Variants in EXOC4 observed in about 807,000 individuals in gnomAD.
EXOC4 encodes SEC8-like 1.
EXOC4 carries 71 observed loss-of-function variants against 107.2 expected under a neutral mutation model. That is an observed-to-expected ratio of 0.66 (90% confidence interval 0.55 to 0.81). EXOC4 has a LOEUF of 0.81. EXOC4 is among the 30% of genes least tolerant of loss of function. The probability of loss-of-function intolerance (pLI) is 0.00; values close to 1 mark genes in which losing one functional copy is unlikely to be tolerated. For missense variants in EXOC4, 1,108 were observed against 1,189.6 expected, an observed-to-expected ratio of 0.93 and a Z score of 1.01; for synonymous variants, 456 against 441.2, an observed-to-expected ratio of 1.03 and a Z score of -0.42.
In EXOC4 at chr7:133,759,576, A is replaced by C. The variant is rs1463447708; in HGVS notation, c.1515-57749A>C. On this transcript the variant is annotated intron_variant, in intron 10 of 17. Transcript: ENST00000253861. ...TACATAACTTTTTCATGGTTACATG[A>C]CTAGTAAATGGCAGAGCCAGGATTC... Among the ~76,000 whole-genome samples the C allele has an allele frequency of 2.0e-5, 3 of 152,142 alleles. 1 individual carries two copies. The highest frequency in any genetic ancestry group is 4.4e-5 in the Non-Finnish European group (3 of 68,026).
intron 10 of EXOC4, among the ~76,000 whole-genome samples, chr7:133,713,139 G>GA (rs1053719138): frequency 2.6e-5 from 4 of 151,556 alleles, no homozygotes; most frequent in African/African-American, 4.8e-5. Flanking sequence ...TATTCCTGAG[G>GA]AAAAAAAATA....
intron 14 of EXOC4, among the ~76,000 whole-genome samples, chr7:133,972,721 T>C (rs763591082): frequency 1.3e-5 from 2 of 152,208 alleles, no homozygotes; most frequent in Non-Finnish European, 2.9e-5. Context: ...GAGAATTTTT[T>C]GGTAATTTTG....
chr7:133,261,427 C>T (rs373379251), intron 1 of EXOC4, among the ~76,000 whole-genome samples: 13 of 152,028 alleles, frequency 8.6e-5, no homozygotes, highest in East Asian at 5.8e-4. Flanking sequence ...CCACTGCGCC[C>T]GGCTAATTTT....
intron 10 of EXOC4, among the ~76,000 whole-genome samples, chr7:133,690,820 A>G (rs1794403196): frequency 6.6e-6 from 1 of 152,196 alleles, no homozygotes; most frequent in African/African-American, 2.4e-5. Context: ...TCAAGGGGTC[A>G]TAAATTGTGG....
chr7:133,808,117 T>C (rs1797123230), intron 10 of EXOC4, among the ~76,000 whole-genome samples: 1 of 152,324 alleles, frequency 6.6e-6, no homozygotes, highest in Middle Eastern at 3.4e-3. Context: ...CTCCTACGGG[T>C]ATGGGCTGAG....
At chr7:133,675,106 T>G (rs770532881) in intron 10 of EXOC4, among the ~76,000 whole-genome samples, 43 of 152,204 alleles carry the variant, frequency 2.8e-4, no homozygotes, top group Non-Finnish European at 4.7e-4. Context: ...TAAGTTAGTG[T>G]TTTCCATTTT....
chr7:133,440,328 G>A (rs1798075863), intron 7 of EXOC4, among the ~76,000 whole-genome samples: 1 of 151,886 alleles, frequency 6.6e-6, no homozygotes, highest in Non-Finnish European at 1.5e-5. Flanking sequence ...CTCTCATTCT[G>A]TTATTTTTCC....
At chr7:133,330,561 T>C (rs906358119) in intron 5 of EXOC4, among the ~76,000 whole-genome samples, 1 of 152,178 alleles carries the variant, frequency 6.6e-6, no homozygotes, top group African/African-American at 2.4e-5. Flanking sequence ...GTGTAGGCAC[T>C]GGAGGGAATC....
intron 11 of EXOC4, among the ~76,000 whole-genome samples, chr7:133,833,419 G>T (rs556920664): frequency 6.6e-6 from 1 of 152,182 alleles, no homozygotes; most frequent in Non-Finnish European, 1.5e-5. Context: ...AGCTAAACCC[G>T]AAGGAGTGTA....
At chr7:133,342,808 A>G (rs755742857) in intron 5 of EXOC4, among the ~76,000 whole-genome samples, 13 of 151,490 alleles carry the variant, frequency 8.6e-5, no homozygotes, top group Non-Finnish European at 1.3e-4. Context: ...GTTTATTTCT[A>G]TTGTTGAAAC....
chr7:133,770,316 A>G (rs1311274830), intron 10 of EXOC4, among the ~76,000 whole-genome samples: 2 of 151,842 alleles, frequency 1.3e-5, no homozygotes, highest in Non-Finnish European at 2.9e-5. Context: ...CCTACAGCTA[A>G]CAGTCCTGGA....
chr7:133,515,776 A>AT (rs1178877180), intron 9 of EXOC4, among the ~76,000 whole-genome samples: 2 of 152,124 alleles, frequency 1.3e-5, no homozygotes, highest in Admixed American at 6.5e-5. Flanking sequence ...ACCGGCACTG[A>AT]TTTTTTTAAT....
intron 9 of EXOC4, among the ~76,000 whole-genome samples, chr7:133,612,284 G>C (rs1269210952): frequency 1.3e-5 from 2 of 152,102 alleles, no homozygotes; most frequent in Non-Finnish European, 2.9e-5. Flanking sequence ...CAGATTTCTG[G>C]AACTTACTCT....
At chr7:133,668,850 C>T (rs952116000) in intron 10 of EXOC4, among the ~76,000 whole-genome samples, 1 of 152,066 alleles carries the variant, frequency 6.6e-6, no homozygotes, top group African/African-American at 2.4e-5. Flanking sequence ...TGAGGGGCAG[C>T]CTCCAGGGGT....
chr7:133,987,871 G>C (rs1387925437), intron 14 of EXOC4, among the ~76,000 whole-genome samples: 1 of 152,156 alleles, frequency 6.6e-6, no homozygotes, highest in African/African-American at 2.4e-5. Context: ...ACAGTGAGTT[G>C]CCATTGAAAG....
intron 10 of EXOC4, among the ~76,000 whole-genome samples, chr7:133,741,121 A>G (rs964804424): frequency 1.3e-5 from 2 of 152,230 alleles, no homozygotes; most frequent in Non-Finnish European, 2.9e-5. Flanking sequence ...GGTAAGAACT[A>G]GAGTTCAGTT....
intron 9 of EXOC4, among the ~76,000 whole-genome samples, chr7:133,514,441 C>T (rs1405522313): frequency 6.6e-6 from 1 of 152,084 alleles, no homozygotes; most frequent in South Asian, 2.1e-4. Flanking sequence ...GGATTACAGG[C>T]GTGAGCCACT....
chr7:134,086,469 CTTTT>C, the EXOC4 span, among the ~76,000 whole-genome samples: 1 of 152,082 alleles, frequency 6.6e-6, no homozygotes, highest in Non-Finnish European at 1.5e-5. Context: ...CTTTTCCTTT[CTTTT>C]TTAAGTTCTT....
intron 9 of EXOC4, among the ~76,000 whole-genome samples, chr7:133,568,444 A>C (rs369382571): frequency 4.6e-5 from 7 of 152,180 alleles, no homozygotes; most frequent in African/African-American, 1.4e-4. Flanking sequence ...TGAGGTTATA[A>C]ATGAGGAATT....
Sources: allele counts gnomAD v4.1 joint callset (sites outside exome capture counted in the v4.1 genomes callset), GRCh38; gene constraint gnomAD v4.1.1; transcripts MANE v1.5; gene names NCBI Gene and HGNC (gene_info 2026-07-23, HGNC 2026-07-21).